MROH9: variants seen among roughly 807,000 people sequenced by gnomAD.
The protein encoded by MROH9 is maestro heat like repeat family member 9.
A neutral mutation model predicts 98.2 loss-of-function variants in MROH9; 92 were observed. The ratio of observed to expected loss-of-function variants is 0.94; its 90% CI spans 0.79 to 1.11. The LOEUF is 1.11. MROH9 is among the 50% of genes most tolerant of loss of function. The pLI, the probability that MROH9 is intolerant of heterozygous loss-of-function variation, is 0.00. For missense variants in MROH9, 1,057 were observed against 1,014.8 expected (o/e 1.04, Z -0.57); for synonymous variants, 397 against 368.9 (o/e 1.08, Z -0.87).
intron 1 of MROH9, among the ~76,000 whole-genome samples, chr1:170,944,031 AAAGAT>A (rs796180858): frequency 5.3e-5 from 8 of 152,186 alleles, no homozygotes; most frequent in South Asian, 2.1e-4. Flanking sequence ...AATAAAAATA[AAAGAT>A]AAGGGGAAAG....
intron 7 of MROH9, among the ~76,000 whole-genome samples, chr1:170,971,210 G>T (rs778357166): frequency 6.6e-6 from 1 of 152,094 alleles, no homozygotes; most frequent in Admixed American, 6.6e-5. Context: ...AAATATTTTG[G>T]TAGTAGCTTT....
chr1:170,979,132 T>C (rs535831531), intron 8 of MROH9, among the ~76,000 whole-genome samples: 7 of 152,244 alleles, frequency 4.6e-5, no homozygotes, highest in African/African-American at 7.2e-5. Flanking sequence ...AGTGTAAACA[T>C]ACATTTTATA....
At chr1:171,033,527 C>T (rs989259815) in intron 20 of MROH9, among the ~76,000 whole-genome samples, 1 of 152,130 alleles carries the variant, frequency 6.6e-6, no homozygotes, top group African/African-American at 2.4e-5. Context: ...CCGTGTGGCT[C>T]TCAGGCCGGT....
Position 171,026,743 on chromosome 1 carries a change from C to A in MROH9, c.2281+1323C>A, listed in dbSNP as rs372931923. Among the ~76,000 whole-genome samples the A allele has an allele frequency of 1.6e-3, 241 of 152,056 alleles. 4 individuals are homozygous for A. Among genetic ancestry groups the A allele is most frequent in the African/African-American group, 5.4e-3 (222 of 41,466 alleles). On this transcript the variant is annotated intron_variant, in intron 20 of 21. Transcript: ENST00000367759. ...GAGGTACTTCAAGGGAAAAAAGAGA[C>A]AAAAGAATGAAGAAAAACAAACCTT...
At chr1:170,986,889 G>GT (rs1377666184) in intron 10 of MROH9, among the ~76,000 whole-genome samples, 179 bp downstream of exon 10, 8 of 152,006 alleles carry the variant, frequency 5.3e-5, no homozygotes, top group Non-Finnish European at 8.8e-5. Flanking sequence ...CTTGCTCTGT[G>GT]GCTCACGCTG....
At chr1:170,997,412 C>G (rs966759030) in intron 14 of MROH9, among the ~76,000 whole-genome samples, 3 of 152,036 alleles carry the variant, frequency 2.0e-5, no homozygotes, top group Non-Finnish European at 2.9e-5. Context: ...AAGTGGGGTC[C>G]ACAGACAAGC....
chr1:171,011,082 T>G (rs1652141377), intron 15 of MROH9, among the ~76,000 whole-genome samples: 1 of 152,080 alleles, frequency 6.6e-6, no homozygotes, highest in Non-Finnish European at 1.5e-5. Context: ...ATTGAATTTT[T>G]TTTACTTCAT....
intron 1 of MROH9, among the ~76,000 whole-genome samples, chr1:170,937,515 ATTTTTTTTTTTTT>A (rs71125282): frequency 2.7e-4 from 31 of 113,556 alleles, no homozygotes; most frequent in African/African-American, 7.0e-4. Context: ...CATAATCAGT[ATTTTTTTTTTTTT>A]TTTTTTTTTT....
chr1:170,990,181 T>C (rs1380273456), intron 11 of MROH9, among the ~76,000 whole-genome samples, 178 bp downstream of exon 11: 2 of 152,212 alleles, frequency 1.3e-5, no homozygotes, highest in African/African-American at 4.8e-5. Context: ...AGATCATATG[T>C]GTTATGCATA....
chr1:171,033,553 T>C lies in MROH9; in HGVS notation c.2281+8133T>C, dbSNP rs532379516. Among the ~76,000 whole-genome samples the C allele has an allele frequency of 3.9e-5, 6 of 152,176 alleles. No individual in the cohort carries two copies. The South Asian group carries it at 1.2e-3, about 32-fold the overall frequency. On this transcript the variant is annotated intron_variant, in intron 20 of 21. Transcript: ENST00000367759. Reference sequence around the variant, plus strand: ...TCAGGCCGGTCGCCACGCCACACTGTTCTTCCTTCTCTCTGTGGGTCACGC... The same window carrying C: ...TCAGGCCGGTCGCCACGCCACACTGCTCTTCCTTCTCTCTGTGGGTCACGC...
At chr1:171,024,587 A>G in intron 18 of MROH9, 40 bp downstream of exon 18, 1 of 1,529,386 alleles carries the variant, frequency 6.5e-7, no homozygotes, top group Non-Finnish European at 8.8e-7. Flanking sequence ...TTTACCAAGG[A>G]TTGTAATGTT....
At chr1:171,006,386 G>A (rs367836829) in intron 15 of MROH9, among the ~76,000 whole-genome samples, 12 of 152,118 alleles carry the variant, frequency 7.9e-5, no homozygotes, top group African/African-American at 2.6e-4. Context: ...AGATTATAAT[G>A]TGTCTCAGAT....
intron 15 of MROH9, among the ~76,000 whole-genome samples, chr1:171,009,848 C>G (rs1474158404): frequency 1.3e-5 from 2 of 152,160 alleles, no homozygotes; most frequent in Non-Finnish European, 2.9e-5. Flanking sequence ...GCTAAAGGCC[C>G]ATGGGGCCAT....
At chr1:170,970,731 T>TGTGTGAGAGAGAGAGA (rs1491154307) in intron 7 of MROH9, among the ~76,000 whole-genome samples, 1 of 90,876 alleles carries the variant, frequency 1.1e-5, no homozygotes, top group African/African-American at 4.3e-5. Flanking sequence ...TGTGTGTGTG[T>TGTGTGAGAGAGAGAGA]GAGAGAGAGA....
chr1:171,014,324 A>T, intron 16 of MROH9, 70 bp downstream of exon 16: 1 of 1,382,250 alleles, frequency 7.2e-7, no homozygotes, highest in Non-Finnish European at 9.9e-7. Flanking sequence ...GTCACTTAAC[A>T]TCTTCACTGA....
rs1391948693 is a variant in MROH9 at position 171,014,214 on chromosome 1, T to G, written c.1694T>G (p.Ile565Ser). Residue 565 changes from isoleucine to serine, a missense_variant, in exon 16 of 22, where the codon ATC (isoleucine) becomes AGC (serine). By Grantham distance (142) the Ile-to-Ser change is moderately radical. Transcript: ENST00000367759. ...TCCAATCCTGTAGTTAGCAGACTGA[T>G]CCTTCATAGAATTGTCCACATGTCA... ...NDSNPVVSRL[I>S]LHRIVHMSPI... is the part of the protein sequence containing the mutation. 7.7e-6 allele frequency: 12 copies of G among 1,551,264 alleles called. No individual in the cohort carries two copies. In the Admixed American group the frequency reaches 1.6e-4, roughly 20 times the overall value.
chr1:171,041,436 C>CACACAT (rs1160876854), intron 20 of MROH9, among the ~76,000 whole-genome samples: 7 of 141,434 alleles, frequency 4.9e-5, no homozygotes, highest in South Asian at 2.3e-4. Context: ...CACACACACA[C>CACACAT]ATATATATGT....
intron 5 of MROH9, among the ~76,000 whole-genome samples, chr1:170,960,945 A>T (rs1167060735): frequency 6.6e-6 from 1 of 152,162 alleles, no homozygotes; most frequent in African/African-American, 2.4e-5. Flanking sequence ...ATATTTAAAT[A>T]TGATGTTTGG....
At chr1:171,007,204 C>G (rs1413400444) in intron 15 of MROH9, among the ~76,000 whole-genome samples, 1 of 152,180 alleles carries the variant, frequency 6.6e-6, no homozygotes, top group Non-Finnish European at 1.5e-5. Flanking sequence ...CTGGGTGCTT[C>G]TGGGACTTGT....
Sources: allele counts gnomAD v4.1 joint callset (sites outside exome capture counted in the v4.1 genomes callset), GRCh38; gene constraint gnomAD v4.1.1; transcripts MANE v1.5; gene names NCBI Gene and HGNC (gene_info 2026-07-23, HGNC 2026-07-21).